NT5C1A: variants seen among roughly 807,000 people sequenced by gnomAD.
The protein encoded by NT5C1A is cytosolic 5'-nucleotidase 1A.
NT5C1A carries 18 observed loss-of-function variants against 31.0 expected under a neutral mutation model. The observed-to-expected ratio is 0.58, with a 90% CI of 0.40 to 0.86. NT5C1A has a LOEUF of 0.86. NT5C1A is among the 40% of genes least tolerant of loss of function. NT5C1A has a pLI of 0.00. For synonymous variants in NT5C1A, 185 were observed against 203.6 expected (o/e 0.91, Z 0.78); for missense variants, 470 against 505.4 (o/e 0.93, Z 0.67).
chr1:39,667,880 C>G (rs777329670), intron 1 of NT5C1A, among the ~76,000 whole-genome samples: 43 of 152,334 alleles, frequency 2.8e-4, no homozygotes, highest in Non-Finnish European at 3.7e-4. Context: ...TTAGATTTTA[C>G]TTCATTTAAA....
chr1:39,656,422 T>A lies in NT5C1A; in HGVS notation c.*2699A>T, dbSNP rs565854324. On this transcript the variant is annotated 3_prime_UTR_variant, in exon 6 of 6. Transcript: ENST00000235628. ...TTATTCCAGTGACTGAAAGCTTTTT[T>A]CCAGGCCTGAGATGCTCATTTGTGA... is the stretch of plus-strand genomic sequence containing the variant. Among the ~76,000 whole-genome samples, 38 of 152,340 alleles carry A rather than the reference T, an allele frequency of 2.5e-4. No individual in the cohort carries two copies. Among genetic ancestry groups the A allele is most frequent in the African/African-American group, 8.2e-4 (34 of 41,574 alleles).
At chr1:39,664,016 C>T (rs1303788107) in intron 3 of NT5C1A, among the ~76,000 whole-genome samples, 2 of 152,144 alleles carry the variant, frequency 1.3e-5, no homozygotes, top group Admixed American at 1.3e-4. Context: ...GTATGTCACA[C>T]AGGTGGTTAA....
chr1:39,667,684 A>G (rs1238993631), intron 1 of NT5C1A, among the ~76,000 whole-genome samples: 1 of 152,164 alleles, frequency 6.6e-6, no homozygotes, highest in African/African-American at 2.4e-5. Flanking sequence ...GCAGGAAACA[A>G]CACAAGTGTG....
At position 39,657,755 on chromosome 1, in the gene NT5C1A, T is replaced by C. The variant is rs1257639319; in HGVS notation, c.*1366A>G. ...GGAGGTTATCTCATCCTGGAAGCCC[T>C]TGCTCAGCATCCACTGATGGAGAGC... On this transcript the variant is annotated 3_prime_UTR_variant, in exon 6 of 6. Coordinates refer to ENST00000235628, the MANE Select transcript of NT5C1A (RefSeq NM_032526.3). Among the ~76,000 whole-genome samples, 3 of 152,232 alleles carry C rather than the reference T, an allele frequency of 2.0e-5. No individual in the cohort carries two copies. The highest frequency in any genetic ancestry group is 7.2e-5 in the African/African-American group (3 of 41,458).
Position 39,652,924 on chromosome 1 carries a change from C to T in NT5C1A, c.*6197G>A, listed in dbSNP as rs1012884308. On this transcript the variant is annotated 3_prime_UTR_variant, in exon 6 of 6. Transcript: ENST00000235628. ...GGTAGTGGGGAGGGAAGGCAACTTT[C>T]GTAGCCATGGCCATGAGATGACCAG... is the stretch of plus-strand genomic sequence containing the variant. Among the ~76,000 whole-genome samples, 3 of 151,942 alleles carry T rather than the reference C, an allele frequency of 2.0e-5. No homozygotes were observed. Among genetic ancestry groups the T allele is most frequent in the Admixed American group, 6.6e-5 (1 of 15,262 alleles).
chr1:39,661,988 G>T (rs1277708351), intron 4 of NT5C1A, among the ~76,000 whole-genome samples: 1 of 152,174 alleles, frequency 6.6e-6, no homozygotes, highest in Non-Finnish European at 1.5e-5. Flanking sequence ...ATGGCTAGTT[G>T]TGTGCACAGA....
At position 39,659,402 on chromosome 1, in the gene NT5C1A, G is replaced by A. The variant is rs763524745; in HGVS notation, c.826C>T (p.Arg276Cys). 25 of 1,613,452 alleles carry A rather than the reference G, an allele frequency of 1.5e-5. No homozygotes were observed. The Admixed American group carries it at 2.2e-4, about 14-fold the overall frequency. ...SKGLRLECPI[R>C]TYLVTARSAA... ...CTGCGTGCTGTCACCAAGTAGGTAC[G>A]AATTGGGCACTCCAGCCGCAGGCCT... The change falls in exon 6 of 6, where the codon CGT (arginine) becomes TGT (cysteine). Residue 276 changes from arginine to cysteine, a missense_variant. Physicochemically the swap from Arg to Cys is radical, Grantham distance 180. Transcript: ENST00000235628.
chr1:39,655,729 C>T lies in NT5C1A; in HGVS notation c.*3392G>A, dbSNP rs552356663. Reference sequence around the variant, plus strand: ...AGGACACCACAAAACAGAGTAGACACTGGCCATAGTGCCGCTGCAGCCTCC... The same window carrying T: ...AGGACACCACAAAACAGAGTAGACATTGGCCATAGTGCCGCTGCAGCCTCC... On this transcript the variant is annotated 3_prime_UTR_variant, in exon 6 of 6. Transcript: ENST00000235628. 1.3e-5 allele frequency among the ~76,000 whole-genome samples: 2 copies of T among 152,224 alleles called. No homozygotes were observed. The highest frequency in any genetic ancestry group is 2.1e-4 in the South Asian group (1 of 4,814).
In NT5C1A at chr1:39,653,851, G is replaced by A. The variant is rs531931493; in HGVS notation, c.*5270C>T. 3.3e-5 allele frequency among the ~76,000 whole-genome samples: 5 copies of A among 151,784 alleles called. No homozygotes were observed. Among genetic ancestry groups the A allele is most frequent in the African/African-American group, 1.2e-4 (5 of 41,034 alleles). On this transcript the variant is annotated 3_prime_UTR_variant, in exon 6 of 6. Transcript: ENST00000235628. ...GTCAGGTGAGGCTCTGACATCCTCA[G>A]AGTTGCATCATATCCTCAGAGGATG... is the stretch of plus-strand genomic sequence containing the variant.
chr1:39,657,581 G>A lies in NT5C1A; in HGVS notation c.*1540C>T, dbSNP rs555555330. On this transcript the variant is annotated 3_prime_UTR_variant, in exon 6 of 6. Coordinates refer to ENST00000235628, the MANE Select transcript of NT5C1A (RefSeq NM_032526.3). The stretch of plus-strand genomic sequence containing the variant: ...GTCTCCCTGGGGACCAGCCATTGGT[G>A]CTTCCACCCTCCCTCTGGAGAGAGC... 5.9e-5 allele frequency among the ~76,000 whole-genome samples: 9 copies of A among 152,344 alleles called. No homozygotes were observed. In the South Asian group the frequency reaches 1.4e-3, roughly 25 times the overall value.
At chr1:39,670,233 G>A (rs1460095664) in intron 1 of NT5C1A, among the ~76,000 whole-genome samples, 1 of 152,218 alleles carries the variant, frequency 6.6e-6, no homozygotes, top group African/African-American at 2.4e-5. Context: ...CGGCCAAGTT[G>A]TTGCTGTGTT....
chr1:39,665,670 C>G lies in NT5C1A; in HGVS notation c.304-20G>C. On this transcript the variant is annotated intron_variant, in intron 2 of 5. Transcript: ENST00000235628. ...CAGAGCCTGGAAAGGAGAGGGCACC[C>G]CCCAGCTTAGACCCCCAAGGATTGA... The G allele has an allele frequency of 6.2e-7, 1 of 1,611,018 alleles. No homozygotes were observed.
Position 39,655,802 on chromosome 1 carries a change from G to A in NT5C1A, c.*3319C>T, listed in dbSNP as rs2124144788. 6.6e-6 allele frequency among the ~76,000 whole-genome samples: 1 copy of A among 152,126 alleles called. No individual in the cohort carries two copies. Among genetic ancestry groups the A allele is most frequent in the South Asian group, 2.1e-4 (1 of 4,790 alleles). On this transcript the variant is annotated 3_prime_UTR_variant, in exon 6 of 6. Coordinates refer to ENST00000235628, the MANE Select transcript of NT5C1A (RefSeq NM_032526.3). ...TGGAGCGCTCACAGTGGAAAGGTCA[G>A]CTGAGGCCACGAGGAGACATTCAGG...
Position 39,651,840 on chromosome 1 carries a change from G to A in NT5C1A, c.*7281C>T, listed in dbSNP as rs1382988290. Among the ~76,000 whole-genome samples, 6 of 151,718 alleles carry A rather than the reference G, an allele frequency of 4.0e-5. No individual in the cohort carries two copies. The highest frequency in any genetic ancestry group is 1.5e-4 in the African/African-American group (6 of 41,304). The stretch of plus-strand genomic sequence containing the variant: ...AGGTCAGGAGTTCGAGACCAGCCTG[G>A]CCAATATGGTGAAACCCCATCTCTA... On this transcript the variant is annotated 3_prime_UTR_variant, in exon 6 of 6. Coordinates refer to ENST00000235628, the MANE Select transcript of NT5C1A (RefSeq NM_032526.3).
rs189967557 is a variant in NT5C1A, at chr1:39,651,603, G to C, written c.*7518C>G. Among the ~76,000 whole-genome samples the C allele has an allele frequency of 1.9e-3, 284 of 152,302 alleles. 1 individual carries two copies. The highest frequency in any genetic ancestry group is 3.8e-3 in the Non-Finnish European group (256 of 68,034). On this transcript the variant is annotated 3_prime_UTR_variant, in exon 6 of 6. Coordinates refer to ENST00000235628, the MANE Select transcript of NT5C1A (RefSeq NM_032526.3). ...AGGCAGCAAATGCTATCAAAGCAAAGGGCTTCTGACAGGTAGATACAAGCA... is the reference window on the plus strand; with the variant it reads ...AGGCAGCAAATGCTATCAAAGCAAACGGCTTCTGACAGGTAGATACAAGCA...
rs139464542 is a variant in NT5C1A at position 39,659,857 on chromosome 1, A to G, written c.742-371T>C. On this transcript the variant is annotated intron_variant, in intron 5 of 5. Transcript: ENST00000235628. ...GTAACTATGGCATGGGCGCCCTCCAATCAGAATGGACTCCAGCTATAAACA... is the reference window on the plus strand; with the variant it reads ...GTAACTATGGCATGGGCGCCCTCCAGTCAGAATGGACTCCAGCTATAAACA... Among the ~76,000 whole-genome samples the G allele has an allele frequency of 2.1e-3, 313 of 152,268 alleles. 3 individuals carry two copies. The highest frequency in any genetic ancestry group is 7.0e-3 in the African/African-American group (292 of 41,552).
rs933292742 is a variant in NT5C1A at position 39,658,646 on chromosome 1, A to G, written c.*475T>C. 6.6e-6 allele frequency among the ~76,000 whole-genome samples: 1 copy of G among 152,242 alleles called. No homozygotes were observed. The highest frequency in any genetic ancestry group is 1.5e-5 in the Non-Finnish European group (1 of 68,040). On this transcript the variant is annotated 3_prime_UTR_variant, in exon 6 of 6. Coordinates refer to ENST00000235628, the MANE Select transcript of NT5C1A (RefSeq NM_032526.3). ...TTAAAGAACCAAGCTTCTTTGGCTA[A>G]AAGGGAGCTTGAAAACTGCCCAAAA...
At chr1:39,665,283 G>T (rs144396128) in intron 3 of NT5C1A, among the ~76,000 whole-genome samples, 1 of 152,228 alleles carries the variant, frequency 6.6e-6, no homozygotes, top group Non-Finnish European at 1.5e-5. Context: ...TGAGCCATTT[G>T]TGTTGTTCAA....
At position 39,659,333 on chromosome 1, in the gene NT5C1A, A is replaced by AGCT; in HGVS notation, c.892_894dup (p.Ser298dup). On this transcript the variant is annotated inframe_insertion, in exon 6 of 6. Coordinates refer to ENST00000235628, the MANE Select transcript of NT5C1A (RefSeq NM_032526.3). ...AAGGCTTCATCTGTCTCCAGGCCCC[A>AGCT]GCTGCGCAGGGTCTTGAGAGCCCGG... 6.2e-7 allele frequency: 1 copy of AGCT among 1,613,952 alleles called. No homozygotes were observed. The highest frequency in any genetic ancestry group is 1.1e-5 in the South Asian group (1 of 91,090).
Sources: gnomAD v4.1 joint callset for allele counts (sites outside exome capture counted in the v4.1 genomes callset) on GRCh38, gnomAD v4.1.1 for gene constraint, MANE v1.5 for transcripts, NCBI Gene and HGNC (gene_info 2026-07-23, HGNC 2026-07-21) for gene names.